GRM1: variants seen among roughly 807,000 people sequenced by gnomAD.
The protein encoded by GRM1 is metabotropic glutamate receptor 1.
GRM1 carries 33 observed loss-of-function variants against 90.9 expected under a neutral mutation model. The observed-to-expected ratio is 0.36, with a 90% CI of 0.28 to 0.49. The LOEUF (loss-of-function observed/expected upper bound fraction) is 0.49. Among genes scored for constraint, GRM1 ranks in the 20% least tolerant of loss-of-function variants. The pLI is 0.99. For synonymous variants in GRM1, 700 were observed against 613.2 expected (o/e 1.14, Z -2.09); for missense variants, 1,190 against 1,534.3 (o/e 0.78, Z 3.75).
At chr6:146,244,127 C>A (rs1419343983) in intron 2 of GRM1, among the ~76,000 whole-genome samples, 1 of 152,012 alleles carries the variant, frequency 6.6e-6, no homozygotes, top group Non-Finnish European at 1.5e-5. Flanking sequence ...GAGTTATGAA[C>A]AATTTGTGCA....
At chr6:146,043,794 T>TAGATATATATATATAG (rs1791209691) in intron 1 of GRM1, among the ~76,000 whole-genome samples, 1 of 136,842 alleles carries the variant, frequency 7.3e-6, no homozygotes, top group Admixed American at 7.2e-5. Context: ...TATATATATA[T>TAGATATATATATATAG]ATATATATAT....
chr6:146,306,271 A>C (rs1783574967), intron 3 of GRM1, among the ~76,000 whole-genome samples: 2 of 152,184 alleles, frequency 1.3e-5, no homozygotes, highest in African/African-American at 4.8e-5. Flanking sequence ...CCTTTCTCTG[A>C]AATAATAGAT....
chr6:146,398,828 A>G lies in GRM1; in HGVS notation c.1789A>G (p.Ile597Val), dbSNP rs149546064. ...EWSNIESIIA[I>V]AFSCLGILVT... ...GAGCAACATCGAATCCATTATAGCCATCGCCTTTTCATGCCTGGGAATCCT... is the reference window on the plus strand; with the variant it reads ...GAGCAACATCGAATCCATTATAGCCGTCGCCTTTTCATGCCTGGGAATCCT... The change falls in exon 7 of 8, where the codon ATC (isoleucine) becomes GTC (valine). Residue 597 changes from isoleucine (I) to valine (V), a missense_variant. Transcript: ENST00000282753. 6.2e-7 allele frequency: 1 copy of G among 1,613,740 alleles called. No individual in the cohort carries two copies. The highest frequency in any genetic ancestry group is 8.5e-7 in the Non-Finnish European group (1 of 1,179,818).
At chr6:146,284,222 G>C (rs567194166) in intron 2 of GRM1, among the ~76,000 whole-genome samples, 4 of 152,186 alleles carry the variant, frequency 2.6e-5, no homozygotes, top group Admixed American at 2.0e-4. Context: ...ATTACTATTA[G>C]TAATAATATG....
intron 3 of GRM1, among the ~76,000 whole-genome samples, chr6:146,349,159 C>T (rs992201184): frequency 6.6e-5 from 10 of 150,516 alleles, no homozygotes; most frequent in Non-Finnish European, 8.9e-5. Flanking sequence ...CTCCACCTCC[C>T]GGGTTCACGC....
At chr6:146,367,126 T>A (rs1318072824) in intron 5 of GRM1, among the ~76,000 whole-genome samples, 2 of 152,140 alleles carry the variant, frequency 1.3e-5, no homozygotes, top group African/African-American at 4.8e-5. Context: ...CATATGAATA[T>A]CCATATTTTC....
chr6:146,423,508 G>A (rs1778081025), intron 7 of GRM1, among the ~76,000 whole-genome samples: 1 of 151,326 alleles, frequency 6.6e-6, no homozygotes, highest in African/African-American at 2.4e-5. Context: ...GTTAATTAGG[G>A]TGTCTTTGGG....
intron 1 of GRM1, among the ~76,000 whole-genome samples, chr6:146,128,108 C>T (rs1328996518): frequency 6.6e-6 from 1 of 152,090 alleles, no homozygotes; most frequent in Non-Finnish European, 1.5e-5. Flanking sequence ...GCAAGTATCC[C>T]TAGGTGTACA....
chr6:146,271,523 C>T (rs898461923), intron 2 of GRM1, among the ~76,000 whole-genome samples: 8 of 151,970 alleles, frequency 5.3e-5, no homozygotes, highest in African/African-American at 1.5e-4. Flanking sequence ...GGAAAGAGGC[C>T]TAGGAGTTCA....
intron 5 of GRM1, among the ~76,000 whole-genome samples, chr6:146,366,853 C>A (rs1270612426): frequency 6.6e-6 from 1 of 152,134 alleles, no homozygotes; most frequent in Non-Finnish European, 1.5e-5. Flanking sequence ...TGTAGGTTGT[C>A]TCTTCACTGT....
chr6:146,146,609 T>C (rs779688652), intron 1 of GRM1, among the ~76,000 whole-genome samples: 82 of 152,214 alleles, frequency 5.4e-4, no homozygotes, highest in Admixed American at 1.3e-3. Context: ...ATCCCCAATG[T>C]GGTAGTATTG....
At chr6:146,426,430 G>T (rs577439506) in intron 7 of GRM1, 2 of 773,272 alleles carry the variant, frequency 2.6e-6, no homozygotes, top group South Asian at 3.2e-5. Flanking sequence ...GGACCATAGA[G>T]CAAACGGAGG....
chr6:146,222,749 G>T (rs1780113077), intron 2 of GRM1, among the ~76,000 whole-genome samples: 1 of 151,934 alleles, frequency 6.6e-6, no homozygotes. Flanking sequence ...CAAATATCCG[G>T]GTACCCTGTG....
At chr6:146,123,809 C>T (rs1203123332) in intron 1 of GRM1, among the ~76,000 whole-genome samples, 1 of 152,196 alleles carries the variant, frequency 6.6e-6, no homozygotes, top group African/African-American at 2.4e-5. Context: ...CTGTTCTGGT[C>T]TCTGGCTGGC....
chr6:146,125,721 C>G (rs1341342428), intron 1 of GRM1, among the ~76,000 whole-genome samples: 1 of 151,986 alleles, frequency 6.6e-6, no homozygotes, highest in Non-Finnish European at 1.5e-5. Context: ...TTCTGAGTTG[C>G]TATTTATGTG....
chr6:146,339,393 A>AT (rs1050066300), intron 3 of GRM1, among the ~76,000 whole-genome samples: 2 of 151,988 alleles, frequency 1.3e-5, no homozygotes, highest in African/African-American at 4.8e-5. Context: ...TTTCCCTTTC[A>AT]TTTTTTCCAT....
chr6:146,423,858 A>T lies in GRM1; in HGVS notation c.2661-10014A>T, dbSNP rs2268664. Among the ~76,000 whole-genome samples the T allele has an allele frequency of 0.017, 2,647 of 152,278 alleles. 157 individuals are homozygous for T. The East Asian group carries it at 0.21, about 12-fold the overall frequency. On this transcript the variant is annotated intron_variant, in intron 7 of 7. Transcript: ENST00000282753. ...GAAAACACGGAGCTCCTGATTCAAA[A>T]AGCAGAGGTAAAGTGTTAAAGGTAC...
chr6:146,175,643 C>A (rs1231151892), intron 2 of GRM1, among the ~76,000 whole-genome samples: 1 of 152,058 alleles, frequency 6.6e-6, no homozygotes, highest in Non-Finnish European at 1.5e-5. Flanking sequence ...AATGCAGGAT[C>A]CATCTCATAA....
chr6:146,427,152 T>G (rs1472694107), intron 7 of GRM1, among the ~76,000 whole-genome samples: 1 of 152,106 alleles, frequency 6.6e-6, no homozygotes, highest in Non-Finnish European at 1.5e-5. Flanking sequence ...TCCCACACCC[T>G]GGGGAGCACA....
Sources: allele counts gnomAD v4.1 joint callset (sites outside exome capture counted in the v4.1 genomes callset), GRCh38; gene constraint gnomAD v4.1.1; transcripts MANE v1.5; gene names NCBI Gene and HGNC (gene_info 2026-07-23, HGNC 2026-07-21).